The following PCDHGB4 variants were observed in gnomAD, a reference collection of about 807,000 sequenced individuals.
The protein encoded by PCDHGB4 is protocadherin gamma subfamily B, 4, also known as protocadherin gamma-B4.
PCDHGB4 carries 38 observed loss-of-function variants against 60.5 expected under a neutral mutation model. The ratio of observed to expected loss-of-function variants is 0.63; its 90% confidence interval spans 0.48 to 0.82. The LOEUF (loss-of-function observed/expected upper bound fraction) is 0.82, where lower values mean the gene tolerates loss of function less well. Ranked by LOEUF, PCDHGB4 falls within the 40% of genes least tolerant of loss-of-function variation. The pLI, the probability that PCDHGB4 is intolerant of heterozygous loss-of-function variation, is 0.00. For synonymous variants in PCDHGB4, 456 were observed against 509.7 expected (o/e 0.89, Z 1.42); for missense variants, 1,109 against 1,209.6 (o/e 0.92, Z 1.23).
chr5:141,397,223 TATG>T lies in PCDHGB4; in HGVS notation c.2397+6944_2397+6946del, dbSNP rs543267212. ...ATGACATAAGAGAAGTATTTTGAGA[TATG>T]AAGAAGAGCAACGTAGTAGGGTATA... is the stretch of plus-strand genomic sequence containing the variant. On this transcript the variant is annotated intron_variant, in intron 1 of 3. Coordinates refer to ENST00000519479, the MANE Select transcript of PCDHGB4 (RefSeq NM_003736.4). Among the ~76,000 whole-genome samples, 432 of 152,304 alleles carry T rather than the reference TATG, an allele frequency of 2.8e-3. 2 individuals carry two copies. Among genetic ancestry groups the T allele is most frequent in the Admixed American group, 9.4e-3 (144 of 15,310 alleles).
intron 1 of PCDHGB4, among the ~76,000 whole-genome samples, chr5:141,468,738 T>C (rs965510711): frequency 3.0e-4 from 46 of 151,958 alleles, no homozygotes; most frequent in South Asian, 2.1e-3. Flanking sequence ...TGGTGGCGGG[T>C]GCCTGTAGTC....
intron 1 of PCDHGB4, chr5:141,418,648 A>G (rs1387887578): frequency 1.2e-6 from 2 of 1,614,036 alleles, no homozygotes; most frequent in Non-Finnish European, 1.7e-6. Flanking sequence ...CCATCCTGAG[A>G]GTGAAGGCCA....
intron 1 of PCDHGB4, chr5:141,403,871 C>T: frequency 1.2e-6 from 2 of 1,613,602 alleles, no homozygotes; most frequent in Admixed American, 1.7e-5. Flanking sequence ...AGCAAAAAGT[C>T]TAGATTATGA....
intron 1 of PCDHGB4, chr5:141,422,570 A>G: frequency 6.2e-7 from 1 of 1,614,012 alleles, no homozygotes; most frequent in African/African-American, 1.3e-5. Flanking sequence ...GATGACAACG[A>G]TAACCCTCCC....
intron 3 of PCDHGB4, among the ~76,000 whole-genome samples, chr5:141,510,556 T>TA (rs2099881668): frequency 6.6e-6 from 1 of 152,178 alleles, no homozygotes; most frequent in African/African-American, 2.4e-5. Flanking sequence ...TTTGAGCACT[T>TA]ACATCTACCA....
In PCDHGB4 at chr5:141,505,380, A is replaced by C; in HGVS notation, c.2457-13A>C. On this transcript the variant is annotated splice_polypyrimidine_tract_variant and intron_variant, in intron 2 of 3. Coordinates refer to ENST00000519479, the MANE Select transcript of PCDHGB4 (RefSeq NM_003736.4). ...CCTGGGAGTCTGTGCTCACCATCCT[A>C]CTCTCTCCCCAGCTCCCAAAATGGC... 1 of 1,613,480 alleles carries C rather than the reference A, an allele frequency of 6.2e-7. No homozygotes were observed. Among genetic ancestry groups the C allele is most frequent in the Non-Finnish European group, 8.5e-7 (1 of 1,179,856 alleles).
chr5:141,488,681 C>G, intron 1 of PCDHGB4, among the ~76,000 whole-genome samples: 1 of 152,204 alleles, frequency 6.6e-6, no homozygotes, highest in East Asian at 1.9e-4. Flanking sequence ...GGCTTTGCCT[C>G]TCCCAGAAGG....
intron 1 of PCDHGB4, among the ~76,000 whole-genome samples, chr5:141,467,735 C>T (rs557555571): frequency 3.3e-5 from 5 of 152,182 alleles, no homozygotes; most frequent in East Asian, 3.9e-4. Flanking sequence ...AATCCCAGCT[C>T]GCTGCAACCT....
At chr5:141,438,366 G>A (rs749623408) in intron 1 of PCDHGB4, among the ~76,000 whole-genome samples, 6 of 151,462 alleles carry the variant, frequency 4.0e-5, no homozygotes, top group Non-Finnish European at 7.4e-5. Context: ...TTGTCATTGA[G>A]GGCAGATATA....
intron 1 of PCDHGB4, among the ~76,000 whole-genome samples, chr5:141,463,810 A>G (rs1469182885): frequency 6.6e-6 from 1 of 152,178 alleles, no homozygotes; most frequent in Non-Finnish European, 1.5e-5. Context: ...AAAAGCTTTT[A>G]TCACACATTT....
chr5:141,427,807 A>T (rs1443881781), intron 1 of PCDHGB4: 2 of 1,521,932 alleles, frequency 1.3e-6, no homozygotes, highest in East Asian at 2.3e-5. Flanking sequence ...GTGAGCGCAC[A>T]GAGCGGGGTG....
intron 1 of PCDHGB4, chr5:141,415,649 A>T: frequency 1.9e-6 from 3 of 1,597,710 alleles, no homozygotes; most frequent in Non-Finnish European, 2.6e-6. Context: ...GTTAAAAAAA[A>T]AAAGATTGGT....
chr5:141,403,074 A>T (rs777613681), intron 1 of PCDHGB4: 1 of 1,614,088 alleles, frequency 6.2e-7, no homozygotes, highest in South Asian at 1.1e-5. Context: ...GAGACAGAAA[A>T]GGGCTATATT....
intron 1 of PCDHGB4, chr5:141,415,740 G>GTTTTTTGT (rs2095911797): frequency 1.9e-6 from 1 of 515,998 alleles, no homozygotes; most frequent in East Asian, 8.3e-5. Flanking sequence ...GTTTATTAAG[G>GTTTTTTGT]TTTTTTTTTT....
rs1004089667 is a variant in PCDHGB4, at chr5:141,497,399, C to G, written c.2456+2534C>G. The stretch of plus-strand genomic sequence containing the variant: ...TGGGGTGAGCACCTTACCCCTGCCT[C>G]AACTCCCATTCCATCAAATGAGAGG... On this transcript the variant is annotated intron_variant, in intron 2 of 3. Coordinates refer to ENST00000519479, the MANE Select transcript of PCDHGB4 (RefSeq NM_003736.4). Among the ~76,000 whole-genome samples the G allele has an allele frequency of 5.9e-5, 9 of 152,146 alleles. 1 individual carries two copies. The highest frequency in any genetic ancestry group is 1.2e-4 in the Non-Finnish European group (8 of 68,034).
At position 141,388,373 on chromosome 5, in the gene PCDHGB4, T is replaced by TA. The variant is rs1239214460; in HGVS notation, c.490dup (p.Ser164LysfsTer13). 2 of 1,613,980 alleles carry TA rather than the reference T, an allele frequency of 1.2e-6. No homozygotes were observed. The highest frequency in any genetic ancestry group is 2.7e-5 in the African/African-American group (2 of 75,040). On this transcript the variant is annotated frameshift_variant, in exon 1 of 4. Transcript: ENST00000519479. LOFTEE classifies it high-confidence loss of function. Reference sequence around the variant, plus strand: ...GATCTGCCCATGATGCGGATATTGGTAGCAACACACTGCAGAATTACCAAC... The same window carrying TA: ...GATCTGCCCATGATGCGGATATTGGTAAGCAACACACTGCAGAATTACCAAC...
At chr5:141,403,559 G>C (rs1281537625) in intron 1 of PCDHGB4, 1 of 1,613,974 alleles carries the variant, frequency 6.2e-7, no homozygotes. Flanking sequence ...CCTGGACAGG[G>C]AGGAGGCAAC....
In PCDHGB4 at chr5:141,389,789, C is replaced by T. The variant is rs1437335316; in HGVS notation, c.1905C>T (p.Ala635=). 3.7e-6 allele frequency: 6 copies of T among 1,613,328 alleles called. No homozygotes were observed. Among genetic ancestry groups the T allele is most frequent in the Admixed American group, 3.3e-5 (2 of 59,988 alleles). The part of the protein sequence containing the change: ...RTARALGDRD[A]VRQRLLVAVR... ...CGCGTGCCTTAGGCGACAGGGACGC[C>T]GTCCGCCAGCGCCTTCTGGTCGCCG... The change falls in exon 1 of 4, where the codon GCC becomes GCT. Residue 635 remains alanine, a synonymous_variant. Coordinates refer to ENST00000519479, the MANE Select transcript of PCDHGB4 (RefSeq NM_003736.4).
At position 141,489,074 on chromosome 5, in the gene PCDHGB4, C is replaced by A; in HGVS notation, c.2398-5733C>A. On this transcript the variant is annotated intron_variant, in intron 1 of 3. Coordinates refer to ENST00000519479, the MANE Select transcript of PCDHGB4 (RefSeq NM_003736.4). The surrounding 1 kb of genome is among the most constrained non-coding windows in gnomAD (Gnocchi z 4.5). ...TTCAGCTCCCCTCCCCCCTGCCCAC[C>A]CCCGCCACTCGGTGACTAAGAACTG... 9.4e-6 allele frequency: 3 copies of A among 320,798 alleles called. No individual in the cohort carries two copies. The highest frequency in any genetic ancestry group is 1.7e-5 in the Non-Finnish European group (3 of 177,744). 19.9% of individuals were successfully genotyped at this position (320,798 alleles called of 1,614,324 possible). A position where few individuals can be genotyped will look rare whatever the true frequency, so the allele number is the denominator to read the frequency against.
Sources: gnomAD v4.1 joint callset for allele counts (sites outside exome capture counted in the v4.1 genomes callset) on GRCh38, gnomAD v4.1.1 for gene constraint, Gnocchi (gnomAD v3.1) non-coding constraint, MANE v1.5 for transcripts, NCBI Gene and HGNC (gene_info 2026-07-23, HGNC 2026-07-21) for gene names.